Variants in SPA17 observed in about 807,000 individuals in gnomAD.
The protein encoded by SPA17 is sperm surface protein Sp17.
SPA17 carries 7 observed loss-of-function variants against 13.8 expected under a neutral mutation model. The ratio of observed to expected loss-of-function variants is 0.51; its 90% CI spans 0.29 to 0.95. The LOEUF is 0.95. Among genes scored for constraint, SPA17 ranks in the 40% least tolerant of loss-of-function variants. SPA17 has a pLI of 0.08. For synonymous variants in SPA17, 61 were observed against 59.0 expected, an observed-to-expected ratio of 1.03 and a Z score of -0.16; for missense variants, 170 against 179.3, an observed-to-expected ratio of 0.95 and a Z score of 0.30.
chr11:124,685,605 A>C (rs1354729814), intron 3 of SPA17, among the ~76,000 whole-genome samples: 1 of 152,182 alleles, frequency 6.6e-6, no homozygotes, highest in Non-Finnish European at 1.5e-5. Flanking sequence ...AACAGCTTGC[A>C]CTGTGCACAT....
intron 2 of SPA17, among the ~76,000 whole-genome samples, chr11:124,680,358 A>G (rs1395610784): frequency 2.0e-5 from 3 of 152,246 alleles, no homozygotes; most frequent in Non-Finnish European, 4.4e-5. Flanking sequence ...AGGAAATTCA[A>G]AGGCTGAAGA....
rs769645484 is a variant in SPA17, at chr11:124,675,284, A to G, written c.20A>G (p.Asn7Ser). MSIPFSNTHYRIPQGFG... is the reference protein window; with the variant it reads MSIPFSSTHYRIPQGFG... ...AAGAAGATGTCGATTCCATTCTCCA[A>G]CACCCACTACCGAATTCCACAAGGA... Residue 7 changes from asparagine (N) to serine (S), a missense_variant, in exon 2 of 5, where the codon AAC (asparagine) becomes AGC (serine). Coordinates refer to ENST00000227135, the MANE Select transcript of SPA17 (RefSeq NM_017425.4). The G allele has an allele frequency of 2.5e-6, 4 of 1,613,740 alleles. No individual in the cohort carries two copies. Among genetic ancestry groups the G allele is most frequent in the East Asian group, 2.2e-5 (1 of 44,878 alleles).
In SPA17 at chr11:124,694,533, A is replaced by G; in HGVS notation, c.*87A>G. 6.7e-7 allele frequency: 1 copy of G among 1,493,526 alleles called. No homozygotes were observed. The highest frequency in any genetic ancestry group is 1.3e-5 in the South Asian group (1 of 75,154). The allele number at this position is 1,493,526 out of a possible 1,614,324, so 92.5% of individuals were successfully genotyped here. ...AATGTCATTTCTTCCTGAGGAAGGA[A>G]GATTTGATGTTGTGAAATAACATTC... On this transcript the variant is annotated 3_prime_UTR_variant, in exon 5 of 5. Transcript: ENST00000227135.
chr11:124,687,909 C>T lies in SPA17; in HGVS notation c.226-3787C>T, dbSNP rs534611321. 7.2e-5 allele frequency among the ~76,000 whole-genome samples: 11 copies of T among 152,158 alleles called. No homozygotes were observed. In the South Asian group the frequency reaches 1.9e-3, roughly 26 times the overall value. On this transcript the variant is annotated intron_variant, in intron 3 of 4. Transcript: ENST00000227135. ...AATGCCCATTTTCACCCGTCCTATT[C>T]AACATAGTACTGGAAGTCGTAGCCA...
Position 124,694,311 on chromosome 11 carries a change from T to C in SPA17, c.321T>C (p.Ser107=). 6.2e-7 allele frequency: 1 copy of C among 1,613,508 alleles called. No homozygotes were observed. The highest frequency in any genetic ancestry group is 8.5e-7 in the Non-Finnish European group (1 of 1,179,898). The change falls in exon 5 of 5, where the codon TCT becomes TCC. Residue 107 remains serine (S), a synonymous_variant. Transcript: ENST00000227135. ...TTCTCCTTTCGATGAAGGACTCTTC[T>C]GAGGAAGATAAGGAAAAAGAAGAGG... ...EETSVTILDS[S]EEDKEKEEVA...
intron 2 of SPA17, among the ~76,000 whole-genome samples, chr11:124,677,079 T>A (rs187738610): frequency 1.4e-4 from 22 of 152,302 alleles, no homozygotes; most frequent in Admixed American, 1.2e-3. Flanking sequence ...ATCACAATAA[T>A]TAAAGCAAAT....
In SPA17 at chr11:124,695,330, TA is replaced by T. The variant is rs1412413136; in HGVS notation, c.*889del. ...GAACAAGACTAATAACATCATATTG[TA>T]AAAAGCAAAAGCTATCATATCATGC... On this transcript the variant is annotated 3_prime_UTR_variant, in exon 5 of 5. Coordinates refer to ENST00000227135, the MANE Select transcript of SPA17 (RefSeq NM_017425.4). The T allele has an allele frequency of 6.6e-6, 1 of 152,246 alleles. No homozygotes were observed. The highest frequency in any genetic ancestry group is 1.5e-5 in the Non-Finnish European group (1 of 68,042). The allele number at this position is 152,246 out of a possible 1,614,324, so 9.4% of individuals were successfully genotyped here. A position where few individuals can be genotyped will look rare whatever the true frequency, so the allele number is the denominator to read the frequency against.
chr11:124,687,944 G>A (rs1017932437), intron 3 of SPA17, among the ~76,000 whole-genome samples: 2 of 152,036 alleles, frequency 1.3e-5, no homozygotes, highest in Non-Finnish European at 2.9e-5. Flanking sequence ...AGAGCAATGA[G>A]GTAAGGGAAA....
chr11:124,682,267 C>T (rs1943536153), intron 3 of SPA17, among the ~76,000 whole-genome samples: 1 of 152,076 alleles, frequency 6.6e-6, no homozygotes, highest in Non-Finnish European at 1.5e-5. Context: ...TGTGTGGAAT[C>T]AGCATTATTG....
intron 3 of SPA17, among the ~76,000 whole-genome samples, chr11:124,687,974 T>C (rs1322495440): frequency 6.6e-6 from 1 of 152,106 alleles, no homozygotes; most frequent in African/African-American, 2.4e-5. Flanking sequence ...AGCATCCATA[T>C]TGGAAAAGAG....
At chr11:124,684,526 A>G (rs564379614) in intron 3 of SPA17, among the ~76,000 whole-genome samples, 1 of 152,332 alleles carries the variant, frequency 6.6e-6, no homozygotes, top group East Asian at 1.9e-4. Flanking sequence ...CACTGGGATT[A>G]CAGGCATGAG....
chr11:124,689,602 A>G (rs1373196427), intron 3 of SPA17, among the ~76,000 whole-genome samples: 1 of 152,062 alleles, frequency 6.6e-6, no homozygotes, highest in Non-Finnish European at 1.5e-5. Context: ...CATGCGCAAC[A>G]TGGTGAAACC....
At chr11:124,684,309 T>C (rs1178049002) in intron 3 of SPA17, among the ~76,000 whole-genome samples, 21 of 152,168 alleles carry the variant, frequency 1.4e-4, no homozygotes. Flanking sequence ...TCACCCAGGC[T>C]GGAGTGCAGT....
intron 3 of SPA17, among the ~76,000 whole-genome samples, chr11:124,690,647 T>C (rs1172743973): frequency 6.6e-6 from 1 of 152,170 alleles, no homozygotes; most frequent in Admixed American, 6.5e-5. Flanking sequence ...TTCAAAGTAT[T>C]GGGCCCCATT....
At chr11:124,677,775 G>A (rs1943485009) in intron 2 of SPA17, among the ~76,000 whole-genome samples, 1 of 151,838 alleles carries the variant, frequency 6.6e-6, no homozygotes, top group African/African-American at 2.4e-5. Context: ...TAAATAGTTT[G>A]TAAAAACAGT....
At chr11:124,686,884 A>G (rs536141738) in intron 3 of SPA17, among the ~76,000 whole-genome samples, 2 of 152,348 alleles carry the variant, frequency 1.3e-5, no homozygotes, top group South Asian at 4.1e-4. Context: ...GATGAACTCA[A>G]GCAACTTGAA....
intron 3 of SPA17, among the ~76,000 whole-genome samples, chr11:124,688,723 G>A (rs79614623): frequency 0.041 from 6,275 of 152,160 alleles, 402 homozygotes; most frequent in African/African-American, 0.14. Context: ...ACAGAATTGA[G>A]AAAAACAATC....
At chr11:124,686,186 T>TG (rs1943576028) in intron 3 of SPA17, among the ~76,000 whole-genome samples, 1 of 25,942 alleles carries the variant, frequency 3.9e-5, no homozygotes, top group Non-Finnish European at 7.3e-5. Flanking sequence ...AATGGAATCA[T>TG]GGGTGGGGGG....
chr11:124,685,008 C>T (rs1046987038), intron 3 of SPA17, among the ~76,000 whole-genome samples: 3 of 152,182 alleles, frequency 2.0e-5, no homozygotes, highest in African/African-American at 7.2e-5. Context: ...AAAGAAAACC[C>T]CATTTTCTGG....
Sources: allele counts gnomAD v4.1 joint callset (sites outside exome capture counted in the v4.1 genomes callset), GRCh38; gene constraint gnomAD v4.1.1; transcripts MANE v1.5; gene names NCBI Gene and HGNC (gene_info 2026-07-23, HGNC 2026-07-21).